Variants in KCNH8 observed in about 807,000 individuals in gnomAD.
The protein encoded by KCNH8 is potassium voltage-gated channel subfamily H member 8.
In KCNH8, 70 loss-of-function variants were observed where a neutral mutation model predicts 103.6. That is an observed-to-expected ratio of 0.68 (90% CI 0.56 to 0.82). The LOEUF is 0.82. Ranked by LOEUF, KCNH8 falls within the 40% of genes least tolerant of loss-of-function variation. KCNH8 has a pLI of 0.00. For synonymous variants in KCNH8, 498 were observed against 489.4 expected (o/e 1.02, Z -0.23); for missense variants, 1,217 against 1,329.9 (o/e 0.92, Z 1.32).
intron 5 of KCNH8, among the ~76,000 whole-genome samples, chr3:19,380,425 A>G (rs1421827167): frequency 6.6e-6 from 1 of 152,158 alleles, no homozygotes; most frequent in Non-Finnish European, 1.5e-5. Flanking sequence ...CGGCACTAAC[A>G]GGCTCTTTAA....
At position 19,456,789 on chromosome 3, in the gene KCNH8, C is replaced by G; in HGVS notation, c.1847C>G (p.Ala616Gly). The G allele has an allele frequency of 1.2e-6, 2 of 1,608,410 alleles. No homozygotes were observed. Among genetic ancestry groups the G allele is most frequent in the Non-Finnish European group, 1.7e-6 (2 of 1,176,160 alleles). The change falls in exon 11 of 16, where the codon GCA becomes GGA. Residue 616 changes from alanine (A) to glycine (G), a missense_variant. Physicochemically the swap from Ala to Gly is moderately conservative, Grantham distance 60 (BLOSUM62 0). Transcript: ENST00000328405. ...AILGKGDLIGANLSIKDQVIK... is the reference protein window; with the variant it reads ...AILGKGDLIGGNLSIKDQVIK... ...CTAGGGAAAGGGGATTTAATTGGAG[C>G]AAATCTATCAATTAAGGACCAAGTG...
At chr3:19,494,133 C>T (rs1033575643) in intron 11 of KCNH8, among the ~76,000 whole-genome samples, 1 of 152,192 alleles carries the variant, frequency 6.6e-6, no homozygotes, top group African/African-American at 2.4e-5. Flanking sequence ...AGGATAATTG[C>T]CTCCAGCTCC....
chr3:19,510,213 G>C, intron 11 of KCNH8, 150 bp from the exon 12 acceptor site: 2 of 627,206 alleles, frequency 3.2e-6, no homozygotes, highest in Non-Finnish European at 5.9e-6. Flanking sequence ...TCTCTTCTCT[G>C]GCCTGCACAG....
At chr3:19,197,939 G>A (rs2063618568) in intron 1 of KCNH8, among the ~76,000 whole-genome samples, 3 of 152,170 alleles carry the variant, frequency 2.0e-5, no homozygotes, top group Admixed American at 2.0e-4. Flanking sequence ...GTAAAGAGGA[G>A]CTATTGACAA....
intron 5 of KCNH8, among the ~76,000 whole-genome samples, chr3:19,372,158 G>T (rs1236966044): frequency 6.6e-6 from 1 of 152,156 alleles, no homozygotes; most frequent in East Asian, 1.9e-4. Flanking sequence ...GAAAGTCATT[G>T]GTAGCTTGAT....
chr3:19,188,952 T>C (rs140832783), intron 1 of KCNH8, among the ~76,000 whole-genome samples: 93 of 152,086 alleles, frequency 6.1e-4, no homozygotes, highest in African/African-American at 2.1e-3. Context: ...CACAAGTTTG[T>C]TTGTTTTTTT....
At chr3:19,167,834 G>A (rs1293043996) in intron 1 of KCNH8, among the ~76,000 whole-genome samples, 2 of 152,080 alleles carry the variant, frequency 1.3e-5, no homozygotes, top group Non-Finnish European at 2.9e-5. Context: ...ACCTTCTTCA[G>A]ATTTCACCAG....
At chr3:19,297,442 A>G (rs993477742) in intron 3 of KCNH8, among the ~76,000 whole-genome samples, 4 of 152,230 alleles carry the variant, frequency 2.6e-5, no homozygotes, top group African/African-American at 9.6e-5. Context: ...AAATTATAGG[A>G]TAAGTACAGA....
intron 11 of KCNH8, among the ~76,000 whole-genome samples, chr3:19,483,087 A>G (rs544498081): frequency 1.1e-4 from 17 of 152,068 alleles, no homozygotes; most frequent in African/African-American, 3.1e-4. Flanking sequence ...TGGGAAGCAT[A>G]GACAGGGAAG....
In KCNH8 at chr3:19,257,398, G is replaced by A. The variant is rs562341368; in HGVS notation, c.310+3511G>A. On this transcript the variant is annotated intron_variant, in intron 2 of 15. Transcript: ENST00000328405. ...TCTCTGGTTTTCCCTATTCTTTCTC[G>A]TTATCCTTCAAGCTGAGATGGACAC... 4.1e-4 allele frequency among the ~76,000 whole-genome samples: 62 copies of A among 151,938 alleles called. 1 individual carries two copies. Among genetic ancestry groups the A allele is most frequent in the Middle Eastern group, 3.4e-3 (1 of 290 alleles).
At chr3:19,354,510 AT>A (rs1298658448) in intron 5 of KCNH8, among the ~76,000 whole-genome samples, 1 of 152,204 alleles carries the variant, frequency 6.6e-6, no homozygotes, top group Non-Finnish European at 1.5e-5. Flanking sequence ...CCAAAACAGC[AT>A]GGTACTGGTA....
intron 12 of KCNH8, among the ~76,000 whole-genome samples, chr3:19,510,952 G>A (rs994665502): frequency 1.8e-4 from 27 of 152,130 alleles, no homozygotes; most frequent in African/African-American, 6.5e-4. Context: ...AAGACATTAA[G>A]AATTTACTGA....
rs921738246 is a variant in KCNH8 at position 19,304,166 on chromosome 3, T to C, written c.442+22837T>C. Among the ~76,000 whole-genome samples the C allele has an allele frequency of 5.3e-5, 8 of 152,268 alleles. No individual in the cohort carries two copies. The East Asian group carries it at 1.5e-3, about 29-fold the overall frequency. ...TCAATAAGGCTTTGGAAGAAGATTT[T>C]CAAAATAACCTGGACAGCCCATGAG... On this transcript the variant is annotated intron_variant, in intron 3 of 15. Coordinates refer to ENST00000328405, the MANE Select transcript of KCNH8 (RefSeq NM_144633.3).
In KCNH8 at chr3:19,496,138, T is replaced by C. The variant is rs541760306; in HGVS notation, c.2041-14225T>C. On this transcript the variant is annotated intron_variant, in intron 11 of 15. Coordinates refer to ENST00000328405, the MANE Select transcript of KCNH8 (RefSeq NM_144633.3). ...TTTCTAGATATAAAATTATATTGTC[T>C]GCACACAGGGATATTTTGACTTTCT... Among the ~76,000 whole-genome samples, 9 of 152,302 alleles carry C rather than the reference T, an allele frequency of 5.9e-5. No homozygotes were observed. The East Asian group carries it at 1.7e-3, about 29-fold the overall frequency.
intron 3 of KCNH8, among the ~76,000 whole-genome samples, chr3:19,341,087 C>T (rs1056415724): frequency 4.6e-5 from 7 of 152,070 alleles, no homozygotes; most frequent in Non-Finnish European, 8.8e-5. Context: ...CTTGATTCTT[C>T]TTTTGAGGTG....
At chr3:19,219,618 A>G (rs1407184290) in intron 1 of KCNH8, among the ~76,000 whole-genome samples, 1 of 152,214 alleles carries the variant, frequency 6.6e-6, no homozygotes, top group Non-Finnish European at 1.5e-5. Flanking sequence ...ACACTGCAAC[A>G]TGGCTTTTCC....
intron 1 of KCNH8, among the ~76,000 whole-genome samples, chr3:19,186,389 C>A (rs2063503214): frequency 6.6e-6 from 1 of 151,578 alleles, no homozygotes; most frequent in Non-Finnish European, 1.5e-5. Flanking sequence ...TTTCAAAAGT[C>A]TCTCCAAAAG....
At chr3:19,158,949 C>T (rs115036928) in intron 1 of KCNH8, among the ~76,000 whole-genome samples, 6,913 of 151,822 alleles carry the variant, frequency 0.046, 508 homozygotes, top group African/African-American at 0.15. Context: ...TAAAACATGG[C>T]GACCATAAAG....
intron 3 of KCNH8, among the ~76,000 whole-genome samples, chr3:19,282,749 A>G (rs1373285350): frequency 1.3e-5 from 2 of 152,138 alleles, no homozygotes; most frequent in South Asian, 2.1e-4. Flanking sequence ...ACTGCAGTGA[A>G]TAACAGCGGT....
Sources: allele counts gnomAD v4.1 joint callset (sites outside exome capture counted in the v4.1 genomes callset), GRCh38; gene constraint gnomAD v4.1.1; transcripts MANE v1.5; gene names NCBI Gene and HGNC (gene_info 2026-07-23, HGNC 2026-07-21).